Variants in NOTCH3 observed in about 807,000 individuals in gnomAD.
The protein encoded by NOTCH3 is notch receptor 3, also known as neurogenic locus notch homolog protein 3.
Under a neutral mutation model 213.3 loss-of-function variants are expected in NOTCH3, and 86 were observed. That is an observed-to-expected ratio of 0.40 (90% confidence interval 0.34 to 0.48). The LOEUF is 0.48. NOTCH3 is among the 20% of genes least tolerant of loss of function. NOTCH3 has a pLI of 0.57. For synonymous variants in NOTCH3, 1,354 were observed against 1,355.9 expected, an observed-to-expected ratio of 1.00 and a Z score of 0.03; for missense variants, 2,783 against 3,272.6, an observed-to-expected ratio of 0.85 and a Z score of 3.65.
At chr19:15,195,404 G>A (rs2046961571) in intron 2 of NOTCH3, among the ~76,000 whole-genome samples, 1 of 152,002 alleles carries the variant, frequency 6.6e-6, no homozygotes, top group African/African-American at 2.4e-5. Context: ...CAGAGGGAGG[G>A]GCTTAGAGAA....
intron 24 of NOTCH3, among the ~76,000 whole-genome samples, chr19:15,176,762 TA>T (rs61399527): frequency 0.21 from 11,799 of 55,590 alleles, 1,490 homozygotes; most frequent in African/African-American, 0.47. Flanking sequence ...GACCCTGTCT[TA>T]AAAAAAAAAA....
At position 15,170,737 on chromosome 19, in the gene NOTCH3, C is replaced by G. The variant is rs755022002; in HGVS notation, c.4825G>C (p.Asp1609His). The change falls in exon 26 of 33, where the codon GAC becomes CAC. Residue 1609 changes from aspartate (D) to histidine (H), a missense_variant. Around this residue, in one of 6 missense-constraint regions of NOTCH3, gnomAD observed 636 missense variants for 801.8 expected, o/e 0.79. Transcript: ENST00000263388. The part of the protein sequence containing the change: ...HCFPDAQSAA[D>H]YLGALSAVER... Reference sequence around the variant, plus strand: ...ACCGCTGACAACGCTCCCAGGTAGTCAGCGGCGCTCTGGGCATCGGGGAAG... The same window carrying G: ...ACCGCTGACAACGCTCCCAGGTAGTGAGCGGCGCTCTGGGCATCGGGGAAG... The G allele has an allele frequency of 1.9e-6, 3 of 1,609,578 alleles. No homozygotes were observed. Among genetic ancestry groups the G allele is most frequent in the Non-Finnish European group, 2.5e-6 (3 of 1,178,440 alleles).
At chr19:15,178,311 C>A in intron 23 of NOTCH3, 1 of 540,854 alleles carries the variant, frequency 1.8e-6, no homozygotes. Context: ...TAAGCCCTGC[C>A]ATCCCAGGAG....
Position 15,185,810 on chromosome 19 carries a change from G to A in NOTCH3, c.1952-131C>T. 1 of 875,496 alleles carries A rather than the reference G, an allele frequency of 1.1e-6. No homozygotes were observed. The highest frequency in any genetic ancestry group is 1.8e-6 in the Non-Finnish European group (1 of 544,108). The allele number at this position is 875,496 out of a possible 1,614,324, so 54.2% of individuals were successfully genotyped here. A position where few individuals can be genotyped will look rare whatever the true frequency, so the allele number is the denominator to read the frequency against. On this transcript the variant is annotated intron_variant, in intron 12 of 32. Coordinates refer to ENST00000263388, the MANE Select transcript of NOTCH3 (RefSeq NM_000435.3). This position sits in a 1 kb window ranked among gnomAD's most constrained non-coding sequence, Gnocchi z 4.2. ...TCTTTTTCATAACGCATCAGCTCTT[G>A]TGCAGATTAGGACACCCGCCTCCTC...
chr19:15,189,511 T>C, intron 6 of NOTCH3, 83 bp from the exon 7 acceptor site: 1 of 1,530,704 alleles, frequency 6.5e-7, no homozygotes, highest in Non-Finnish European at 9.0e-7. Context: ...TGTTTTGTCG[T>C]TGTTGTTGTT....
Position 15,174,193 on chromosome 19 carries a change from G to A in NOTCH3, c.4611C>T (p.Ala1537=). ...GGAAGCGCAGCGAGGTGCGCAGGATGGCGCTGAGCCGCTGCAGAAAGTCGG... is the reference window on the plus strand; with the variant it reads ...GGAAGCGCAGCGAGGTGCGCAGGATAGCGCTGAGCCGCTGCAGAAAGTCGG... ...SSADFLQRLS[A]ILRTSLRFRL... The change falls in exon 25 of 33, where the codon GCC becomes GCT. Residue 1537 remains alanine, a synonymous_variant. Coordinates refer to ENST00000263388, the MANE Select transcript of NOTCH3 (RefSeq NM_000435.3). 2.5e-6 allele frequency: 4 copies of A among 1,608,428 alleles called. No homozygotes were observed. Among genetic ancestry groups the A allele is most frequent in the Non-Finnish European group, 3.4e-6 (4 of 1,179,388 alleles).
At chr19:15,178,619 A>AAGTGATCCTCCCGCCTCGGCCTCC in intron 23 of NOTCH3, 1 of 622,042 alleles carries the variant, frequency 1.6e-6, no homozygotes. Context: ...TCCTGGCCTC[A>AAGTGATCCTCCCGCCTCGGCCTCC]AGTGATCCTC....
chr19:15,173,789 G>GAAGAAGAAGAAT (rs2046762989), intron 25 of NOTCH3, among the ~76,000 whole-genome samples: 1 of 123,788 alleles, frequency 8.1e-6, no homozygotes, highest in African/African-American at 3.0e-5. Flanking sequence ...AGAAGGAGAA[G>GAAGAAGAAGAAT]AAGAAGAAGA....
intron 16 of NOTCH3, 30 bp from the exon 17 acceptor site, chr19:15,181,831 C>T (rs1293080594): frequency 1.3e-6 from 2 of 1,533,942 alleles, no homozygotes; most frequent in South Asian, 1.2e-5. Context: ...GGTCTGGTCA[C>T]CTACCTTGCC....
chr19:15,180,033 C>T lies in NOTCH3; in HGVS notation c.3327+39G>A, dbSNP rs1380971878. The T allele has an allele frequency of 7.6e-6, 11 of 1,438,018 alleles. No individual in the cohort carries two copies. The East Asian group carries it at 2.0e-4, about 27-fold the overall frequency. The allele number at this position is 1,438,018 out of a possible 1,614,324, so 89.1% of individuals were successfully genotyped here. On this transcript the variant is annotated intron_variant, in intron 20 of 32. Coordinates refer to ENST00000263388, the MANE Select transcript of NOTCH3 (RefSeq NM_000435.3). ...GTGTGCCCAGACGCACCCAAGCATG[C>T]CCACCTCCTCTTCCCTCTCCTGGGG...
At position 15,170,655 on chromosome 19, in the gene NOTCH3, C is replaced by A; in HGVS notation, c.4891+16G>T. 1 of 1,556,334 alleles carries A rather than the reference C, an allele frequency of 6.4e-7. No homozygotes were observed. Among genetic ancestry groups the A allele is most frequent in the Non-Finnish European group, 8.7e-7 (1 of 1,152,414 alleles). On this transcript the variant is annotated intron_variant, in intron 26 of 32. Transcript: ENST00000263388. ...AGCTCCGCCCCCGCCACCCCCTCCC[C>A]AAGGCAGGGCCGCACCCCGCACGTC...
At position 15,187,930 on chromosome 19, in the gene NOTCH3, G is replaced by T. The variant is rs953132979; in HGVS notation, c.1557C>A (p.Gly519=). 1 of 1,550,092 alleles carries T rather than the reference G, an allele frequency of 6.5e-7. No individual in the cohort carries two copies. Among genetic ancestry groups the T allele is most frequent in the Non-Finnish European group, 8.7e-7 (1 of 1,146,984 alleles). ...CATCGGGCTGGTCCACGCATTTGGC[G>T]CCATTCCTGCAGGGCGTGCTGGCGC... ...DECASTPCRN[G]AKCVDQPDGY... is the part of the protein sequence containing the mutation. Residue 519 remains glycine, a synonymous_variant, in exon 10 of 33, where the codon GGC becomes GGA. Transcript: ENST00000263388.
chr19:15,187,374 C>T (rs2046891732), intron 10 of NOTCH3, 36 bp from the exon 11 acceptor site: 2 of 1,578,590 alleles, frequency 1.3e-6, no homozygotes, highest in Non-Finnish European at 8.7e-7. Context: ...CGCCCACTTG[C>T]CAGGGGCCTG....
chr19:15,162,433 T>C, intron 32 of NOTCH3, 32 bp downstream of exon 32: 3 of 1,512,348 alleles, frequency 2.0e-6, no homozygotes, highest in Non-Finnish European at 2.8e-6. Flanking sequence ...GTGCCACTGC[T>C]GACACCCAGT....
At chr19:15,180,540 C>T (rs1226815037) in intron 19 of NOTCH3, 141 bp downstream of exon 19, 13 of 1,032,568 alleles carry the variant, frequency 1.3e-5, no homozygotes, top group Non-Finnish European at 5.8e-6. Context: ...GTCACATGCT[C>T]ACACACCCAC....
In NOTCH3 at chr19:15,165,661, G is replaced by A. The variant is rs2046679847; in HGVS notation, c.5667+126C>T. The stretch of plus-strand genomic sequence containing the variant: ...AGGGAGCAGCTGCTTGACAGATACT[G>A]TATTCCCATATATCCCCATTTTCCA... On this transcript the variant is annotated intron_variant, in intron 30 of 32. Transcript: ENST00000263388. This position sits in a 1 kb window ranked among gnomAD's most constrained non-coding sequence, Gnocchi z 4.7. 1.6e-6 allele frequency: 2 copies of A among 1,267,404 alleles called. No individual in the cohort carries two copies. Among genetic ancestry groups the A allele is most frequent in the Non-Finnish European group, 2.2e-6 (2 of 915,166 alleles). 78.5% of individuals were successfully genotyped at this position (1,267,404 alleles called of 1,614,324 possible).
intron 1 of NOTCH3, among the ~76,000 whole-genome samples, chr19:15,198,962 G>C (rs1388593770): frequency 6.6e-6 from 1 of 152,060 alleles, no homozygotes; most frequent in African/African-American, 2.4e-5. Flanking sequence ...AAGAGGGTGA[G>C]TTACAGAATC....
intron 24 of NOTCH3, among the ~76,000 whole-genome samples, chr19:15,175,611 A>G (rs1032567742): frequency 4.9e-5 from 7 of 142,040 alleles, no homozygotes; most frequent in Admixed American, 1.4e-4. Flanking sequence ...ACACACACAC[A>G]CACGCACGCA....
In NOTCH3 at chr19:15,185,111, C is replaced by A; in HGVS notation, c.2297-92G>T. ...ACCTCCCCCAACCCCAGGGTCCCCA[C>A]CTTGATACCCACCTCCCAAGCTCCT... On this transcript the variant is annotated intron_variant, in intron 14 of 32. Coordinates refer to ENST00000263388, the MANE Select transcript of NOTCH3 (RefSeq NM_000435.3). The surrounding 1 kb of genome is among the most constrained non-coding windows in gnomAD (Gnocchi z 4.2). 1 of 1,300,486 alleles carries A rather than the reference C, an allele frequency of 7.7e-7. No homozygotes were observed. 80.6% of individuals were successfully genotyped at this position (1,300,486 alleles called of 1,614,324 possible).
Sources: allele counts gnomAD v4.1 joint callset (sites outside exome capture counted in the v4.1 genomes callset), GRCh38; gene constraint gnomAD v4.1.1; regional missense constraint gnomAD v4.1.1; non-coding constraint Gnocchi (gnomAD v3.1); transcripts MANE v1.5; gene names NCBI Gene and HGNC (gene_info 2026-07-23, HGNC 2026-07-21).